The following LUC7L2 variants were observed in gnomAD, a reference collection of about 807,000 sequenced individuals.
The protein encoded by LUC7L2 is LUC7 like 2, pre-mRNA splicing factor.
LUC7L2 carries 25 observed loss-of-function variants against 52.8 expected under a neutral mutation model. That is an observed-to-expected ratio of 0.47 (90% CI 0.34 to 0.66). The LOEUF (loss-of-function observed/expected upper bound fraction) is 0.66. LUC7L2 is among the 30% of genes least tolerant of loss of function. The probability of loss-of-function intolerance (pLI) is 0.01; values close to 1 mark genes in which losing one functional copy is unlikely to be tolerated. For synonymous variants in LUC7L2, 144 were observed against 160.9 expected, an observed-to-expected ratio of 0.89 and a Z score of 0.80; for missense variants, 328 against 497.8, an observed-to-expected ratio of 0.66 and a Z score of 3.25.
chr7:139,372,939 A>G (rs1352164859), intron 1 of LUC7L2, among the ~76,000 whole-genome samples: 1 of 152,132 alleles, frequency 6.6e-6, no homozygotes, highest in African/African-American at 2.4e-5. Flanking sequence ...TTTGGATCCA[A>G]TGTCATTGTG....
Position 139,398,623 on chromosome 7 carries a change from A to G in LUC7L2, c.181A>G (p.Lys61Glu). ...GTRMDLGECL[K>E]VHDLALRADY... ...GAGAATGGATCTTGGAGAATGTCTGAAAGTCCATGACCTGGCTTTAAGAGC... is the reference window on the plus strand; with the variant it reads ...GAGAATGGATCTTGGAGAATGTCTGGAAGTCCATGACCTGGCTTTAAGAGC... The change falls in exon 3 of 10, where the codon AAA (lysine) becomes GAA (glutamate). Residue 61 changes from lysine (K) to glutamate (E), a missense_variant. Lys to Glu is a moderately conservative substitution (Grantham distance 56). This residue lies in a region of LUC7L2 where 133 missense variants were observed against 274.4 expected (regional missense o/e 0.48). Coordinates refer to ENST00000354926, the MANE Select transcript of LUC7L2 (RefSeq NM_016019.5). The G allele has an allele frequency of 6.2e-7, 1 of 1,611,544 alleles. No individual in the cohort carries two copies. Among genetic ancestry groups the G allele is most frequent in the Non-Finnish European group, 8.5e-7 (1 of 1,179,250 alleles).
Position 139,409,543 on chromosome 7 carries a change from C to T in LUC7L2, c.688-20C>T, listed in dbSNP as rs2131299194. ...GAATGGACTCAGTAAATATTCTCCT[C>T]ATTTATTACTGTTTTTAAGAGAGTC... On this transcript the variant is annotated intron_variant, in intron 6 of 9. Transcript: ENST00000354926. The T allele has an allele frequency of 6.3e-7, 1 of 1,592,310 alleles. No homozygotes were observed. The highest frequency in any genetic ancestry group is 8.6e-7 in the Non-Finnish European group (1 of 1,169,476).
chr7:139,392,733 G>A (rs376923344), intron 2 of LUC7L2: 1 of 161,240 alleles, frequency 6.2e-6, no homozygotes, highest in Non-Finnish European at 1.4e-5. Context: ...TTGGCTCACC[G>A]CAACCTCTGC....
In LUC7L2 at chr7:139,379,981, C is replaced by T. The variant is rs987184942; in HGVS notation, c.156+3825C>T. Among the ~76,000 whole-genome samples the T allele has an allele frequency of 4.0e-5, 6 of 151,794 alleles. No individual in the cohort carries two copies. In the East Asian group the frequency reaches 7.8e-4, roughly 20 times the overall value. On this transcript the variant is annotated intron_variant, in intron 2 of 9. Coordinates refer to ENST00000354926, the MANE Select transcript of LUC7L2 (RefSeq NM_016019.5). ...TTGAGGTCAGGAGTTTGAGACCAGCCTGGCCAACCAACATGGTGAAACCCC... is the reference window on the plus strand; with the variant it reads ...TTGAGGTCAGGAGTTTGAGACCAGCTTGGCCAACCAACATGGTGAAACCCC...
intron 6 of LUC7L2, among the ~76,000 whole-genome samples, chr7:139,408,130 G>A (rs1343740281): frequency 3.3e-5 from 5 of 152,118 alleles, no homozygotes; most frequent in African/African-American, 4.8e-5. Flanking sequence ...AAGGTCCATA[G>A]CATTTAAAAT....
intron 9 of LUC7L2, among the ~76,000 whole-genome samples, chr7:139,419,711 C>T (rs970262679): frequency 1.1e-4 from 17 of 152,048 alleles, no homozygotes; most frequent in East Asian, 1.9e-4. Flanking sequence ...ATGCTTCCTG[C>T]GTTGATGAAG....
intron 4 of LUC7L2, 144 bp from the exon 5 acceptor site, chr7:139,405,500 G>T: frequency 9.5e-7 from 1 of 1,057,724 alleles, no homozygotes; most frequent in South Asian, 1.9e-5. Flanking sequence ...TGTCTCAGTA[G>T]TTCATTTGGG....
intron 1 of LUC7L2, among the ~76,000 whole-genome samples, chr7:139,351,685 T>C (rs535445405): frequency 7.9e-5 from 12 of 152,360 alleles, no homozygotes; most frequent in African/African-American, 2.9e-4. Flanking sequence ...CAGCTAGAAC[T>C]GAATACAGAA....
At chr7:139,366,603 T>C (rs778759243) in intron 1 of LUC7L2, among the ~76,000 whole-genome samples, 1 of 152,238 alleles carries the variant, frequency 6.6e-6, no homozygotes, top group Non-Finnish European at 1.5e-5. Flanking sequence ...TTCATATACA[T>C]GATGTCTATG....
At chr7:139,397,808 T>C (rs753514667) in intron 2 of LUC7L2, among the ~76,000 whole-genome samples, 8 of 152,204 alleles carry the variant, frequency 5.3e-5, no homozygotes, top group South Asian at 2.1e-4. Flanking sequence ...TAACACCTAA[T>C]TGGAATTTCC....
At chr7:139,347,875 A>C (rs928507929) in intron 1 of LUC7L2, among the ~76,000 whole-genome samples, 3 of 151,794 alleles carry the variant, frequency 2.0e-5, no homozygotes, top group African/African-American at 4.8e-5. Flanking sequence ...TCATTTTTGT[A>C]TTTTTAGTAG....
intron 2 of LUC7L2, among the ~76,000 whole-genome samples, chr7:139,393,188 A>G (rs1794519486): frequency 6.6e-6 from 1 of 151,938 alleles, no homozygotes; most frequent in African/African-American, 2.4e-5. Flanking sequence ...AATTGCTTGA[A>G]CCTGGGAGGC....
intron 2 of LUC7L2, 115 bp downstream of exon 2, chr7:139,376,271 TTTA>T: frequency 9.5e-7 from 1 of 1,049,122 alleles, no homozygotes; most frequent in Non-Finnish European, 1.4e-6. Flanking sequence ...ATTTGCATCC[TTTA>T]TTGTTTGTTT....
rs1403374732 is a variant in LUC7L2 at position 139,366,470 on chromosome 7, T to C, written c.61+6148T>C. ...TATTAGTTTAAATGGTAGACTTTTCTCTTAAAGTAACTTTAATAGTTTAAT... is the reference window on the plus strand; with the variant it reads ...TATTAGTTTAAATGGTAGACTTTTCCCTTAAAGTAACTTTAATAGTTTAAT... On this transcript the variant is annotated intron_variant, in intron 1 of 9. Transcript: ENST00000354926. Among the ~76,000 whole-genome samples the C allele has an allele frequency of 2.7e-5, 4 of 145,878 alleles. No homozygotes were observed. The East Asian group carries it at 7.7e-4, about 28-fold the overall frequency.
At chr7:139,387,319 G>A (rs898047712) in intron 2 of LUC7L2, among the ~76,000 whole-genome samples, 1 of 151,668 alleles carries the variant, frequency 6.6e-6, no homozygotes, top group African/African-American at 2.4e-5. Flanking sequence ...TCAGCCTCCC[G>A]AGTAGCTGGG....
intron 1 of LUC7L2, among the ~76,000 whole-genome samples, chr7:139,361,037 A>T (rs1799854675): frequency 6.6e-6 from 1 of 152,238 alleles, no homozygotes. Flanking sequence ...AAAATTTGGT[A>T]CCCAGTGAAG....
intron 1 of LUC7L2, among the ~76,000 whole-genome samples, chr7:139,360,961 A>T (rs1262053357): frequency 6.6e-6 from 1 of 152,194 alleles, no homozygotes; most frequent in Non-Finnish European, 1.5e-5. Flanking sequence ...TTTGTTAGAC[A>T]ATTTAATAGA....
At chr7:139,407,004 T>TTTTG (rs1795152301) in intron 5 of LUC7L2, among the ~76,000 whole-genome samples, 170 bp from the exon 6 acceptor site, 8 of 143,118 alleles carry the variant, frequency 5.6e-5, no homozygotes, top group African/African-American at 2.1e-4. Flanking sequence ...TTTTGTGGTT[T>TTTTG]TTTTTTTTTT....
In LUC7L2 at chr7:139,384,705, A is replaced by G. The variant is rs117243520; in HGVS notation, c.156+8549A>G. 5.4e-3 allele frequency among the ~76,000 whole-genome samples: 820 copies of G among 152,174 alleles called. 5 individuals are homozygous for G. Among genetic ancestry groups the G allele is most frequent in the Non-Finnish European group, 6.9e-3 (466 of 67,978 alleles). On this transcript the variant is annotated intron_variant, in intron 2 of 9. Coordinates refer to ENST00000354926, the MANE Select transcript of LUC7L2 (RefSeq NM_016019.5). ...AATACTCAAAAATAGTAAACGGGGT[A>G]CTCACGCCCTTTGGAAATAATCCTT...
Sources: allele counts gnomAD v4.1 joint callset (sites outside exome capture counted in the v4.1 genomes callset), GRCh38; gene constraint gnomAD v4.1.1; regional missense constraint gnomAD v4.1.1; transcripts MANE v1.5; gene names NCBI Gene and HGNC (gene_info 2026-07-23, HGNC 2026-07-21).